Variants in GLB1L3 observed in about 807,000 individuals in gnomAD.
GLB1L3 encodes beta-galactosidase-1-like protein 3.
GLB1L3 carries 89 observed loss-of-function variants against 89.5 expected under a neutral mutation model. That is an observed-to-expected ratio of 0.99 (90% CI 0.84 to 1.19). The LOEUF (loss-of-function observed/expected upper bound fraction) is 1.19, where lower values mean the gene tolerates loss of function less well. Ranked by LOEUF, GLB1L3 falls within the 50% of genes most tolerant of loss-of-function variation. The probability of loss-of-function intolerance (pLI) is 0.00; values close to 1 mark genes in which losing one functional copy is unlikely to be tolerated. For missense variants in GLB1L3, 812 were observed against 813.3 expected, an observed-to-expected ratio of 1.00 and a Z score of 0.02; for synonymous variants, 314 against 312.3, an observed-to-expected ratio of 1.01 and a Z score of -0.06.
chr11:134,298,922 C>A (rs530639313), intron 9 of GLB1L3, among the ~76,000 whole-genome samples: 1 of 152,300 alleles, frequency 6.6e-6, no homozygotes, highest in East Asian at 1.9e-4. Context: ...TGCTCTCTCA[C>A]CTTCTGCAAT....
intron 7 of GLB1L3, among the ~76,000 whole-genome samples, chr11:134,290,579 CAAAAAAAAAGAAAAGAAAAAA>C (rs1941302097): frequency 1.7e-5 from 2 of 117,096 alleles, no homozygotes; most frequent in African/African-American, 6.6e-5. Context: ...CCCCCCCCGC[CAAAAAAAAAGAAAAGAAAAAA>C]AAAGAAAAAG....
intron 5 of GLB1L3, among the ~76,000 whole-genome samples, chr11:134,283,031 A>T (rs929507915): frequency 3.3e-5 from 5 of 151,838 alleles, no homozygotes; most frequent in African/African-American, 1.2e-4. Flanking sequence ...TGGAAATGTG[A>T]CACTGTGCCT....
chr11:134,288,764 C>G, intron 6 of GLB1L3, 34 bp from the exon 7 acceptor site: 3 of 1,542,780 alleles, frequency 1.9e-6, no homozygotes, highest in Non-Finnish European at 1.8e-6. Context: ...CCCAAATAGC[C>G]TCACTCTTTA....
At chr11:134,286,763 C>T (rs920078165) in intron 6 of GLB1L3, among the ~76,000 whole-genome samples, 17 of 150,334 alleles carry the variant, frequency 1.1e-4, no homozygotes, top group Non-Finnish European at 1.6e-4. Context: ...GGCGACAGAG[C>T]GAGACTCCGT....
chr11:134,316,422 A>G (rs1411309287), intron 18 of GLB1L3, among the ~76,000 whole-genome samples: 1 of 152,226 alleles, frequency 6.6e-6, no homozygotes, highest in Non-Finnish European at 1.5e-5. Context: ...ATGTCTATAT[A>G]GGAAGAGATG....
chr11:134,297,925 C>A (rs1459781983), intron 9 of GLB1L3, among the ~76,000 whole-genome samples: 3 of 147,872 alleles, frequency 2.0e-5, no homozygotes, highest in Non-Finnish European at 4.5e-5. Context: ...TAAAAATTAA[C>A]CTGACACGAC....
In GLB1L3 at chr11:134,314,030, T is replaced by A. The variant is rs1337147497; in HGVS notation, c.1667+2T>A. ...GATGAAAATGAGCTTCTTTGAGAGG[T>A]ATGCTCCAGCTGGCCCCCAGTGCAC... On this transcript the variant is annotated splice_donor_variant, in intron 17 of 19. Coordinates refer to ENST00000431683, the MANE Select transcript of GLB1L3 (RefSeq NM_001080407.3). LOFTEE classifies it high-confidence loss of function. 2 of 1,599,320 alleles carry A rather than the reference T, an allele frequency of 1.3e-6. No individual in the cohort carries two copies. Among genetic ancestry groups the A allele is most frequent in the Admixed American group, 3.4e-5 (2 of 59,686 alleles).
intron 8 of GLB1L3, chr11:134,292,626 T>G (rs1361317176): frequency 1.9e-5 from 4 of 212,538 alleles, no homozygotes; most frequent in East Asian, 1.2e-4. Context: ...GTTCCATTCC[T>G]GGGATCCTAC....
rs1162065552 is a variant in GLB1L3, at chr11:134,285,908, G to GTT, written c.636+2079_636+2080dup. 5.5e-3 allele frequency among the ~76,000 whole-genome samples: 710 copies of GTT among 130,070 alleles called. 7 individuals are homozygous for GTT. The highest frequency in any genetic ancestry group is 0.028 in the East Asian group (124 of 4,486). The allele number at this position is 130,070 out of a possible 152,430, so 85.3% of individuals were successfully genotyped here. On this transcript the variant is annotated intron_variant, in intron 6 of 19. Transcript: ENST00000431683. ...TTTGGAATCATGAATTGTGAGTTCT[G>GTT]TTTTTTTTTTTTTTTTTGGAGACGG...
rs549833430 is a variant in GLB1L3 at position 134,316,121 on chromosome 11, C to T, written c.1779+1680C>T. Among the ~76,000 whole-genome samples the T allele has an allele frequency of 1.4e-4, 21 of 152,126 alleles. 2 individuals carry two copies. The South Asian group carries it at 4.4e-3, about 32-fold the overall frequency. The stretch of plus-strand genomic sequence containing the variant: ...TATAAACATTGGGCAATTACTTCTC[C>T]ATTTTCCCCTTCTCCCACCGCCTGG... On this transcript the variant is annotated intron_variant, in intron 18 of 19. Transcript: ENST00000431683.
chr11:134,314,482 A>G lies in GLB1L3; in HGVS notation c.1779+41A>G, dbSNP rs1399121427. ...TGCTGCCCTGGTGTTCCAAACACCA[A>G]TTTTATTTTTAAAGAGTCCTGAAGC... On this transcript the variant is annotated intron_variant, in intron 18 of 19. Coordinates refer to ENST00000431683, the MANE Select transcript of GLB1L3 (RefSeq NM_001080407.3). 1.3e-5 allele frequency: 17 copies of G among 1,275,470 alleles called. No homozygotes were observed. The Admixed American group carries it at 2.6e-4, about 19-fold the overall frequency. 79.0% of individuals were successfully genotyped at this position (1,275,470 alleles called of 1,614,324 possible). A position where few individuals can be genotyped will look rare whatever the true frequency, so the allele number is the denominator to read the frequency against.
chr11:134,278,365 G>A (rs140311298), intron 3 of GLB1L3, among the ~76,000 whole-genome samples: 2,021 of 152,120 alleles, frequency 0.013, 57 homozygotes, highest in African/African-American at 0.045. Context: ...GCTCACGGCA[G>A]CTTCTACTTC....
At chr11:134,319,986 C>T (rs1943143788), downstream of GLB1L3, among the ~76,000 whole-genome samples, 1 of 152,100 alleles carries the variant, frequency 6.6e-6, no homozygotes, top group African/African-American at 2.4e-5. Context: ...AAGGCTACTA[C>T]TGATAGTGGG....
Position 134,312,508 on chromosome 11 carries a change from CTGTG to C in GLB1L3, c.1428+22_1428+25del, listed in dbSNP as rs748820436. On this transcript the variant is annotated intron_variant, in intron 14 of 19. Transcript: ENST00000431683. ...GGCACAGGTAGGGCCAGCAGGCTGTCTGTGTGGGAAGCAAAGTGCATCACCTCCC... is the reference window on the plus strand; with the variant it reads ...GGCACAGGTAGGGCCAGCAGGCTGTCTGGGAAGCAAAGTGCATCACCTCCC... 2.3e-5 allele frequency: 37 copies of C among 1,608,124 alleles called. No homozygotes were observed. The highest frequency in any genetic ancestry group is 2.8e-5 in the Non-Finnish European group (33 of 1,179,498).
At chr11:134,322,831 G>A (rs1484755294), downstream of GLB1L3, among the ~76,000 whole-genome samples, 2 of 152,090 alleles carry the variant, frequency 1.3e-5, no homozygotes, top group African/African-American at 4.8e-5. Flanking sequence ...GATTATTTGA[G>A]TTGTTTCCAC....
At chr11:134,291,993 TAAA>T in intron 7 of GLB1L3, 136 bp from the exon 8 acceptor site, 1 of 649,910 alleles carries the variant, frequency 1.5e-6, no homozygotes, top group Non-Finnish European at 2.7e-6. Context: ...AATTTAAAAT[TAAA>T]AAAGTAAAAA....
At chr11:134,290,777 G>A (rs1028479371) in intron 7 of GLB1L3, among the ~76,000 whole-genome samples, 41 of 151,828 alleles carry the variant, frequency 2.7e-4, no homozygotes, top group African/African-American at 8.5e-4. Context: ...GACAGTGTTC[G>A]GCAGCACCTG....
At chr11:134,275,933 C>G (rs1940353181), upstream of GLB1L3, 1 of 152,736 alleles carries the variant, frequency 6.5e-6, no homozygotes, top group Admixed American at 6.5e-5. Context: ...CTCATCCAGC[C>G]TCCACCCTGC....
At chr11:134,309,954 A>G in intron 11 of GLB1L3, 191 bp downstream of exon 11, 1 of 638,522 alleles carries the variant, frequency 1.6e-6, no homozygotes, top group Non-Finnish European at 2.7e-6. Context: ...ATTGCAGTAG[A>G]CAGGGCTTTC....
Sources: gnomAD v4.1 joint callset for allele counts (sites outside exome capture counted in the v4.1 genomes callset) on GRCh38, gnomAD v4.1.1 for gene constraint, MANE v1.5 for transcripts, NCBI Gene and HGNC (gene_info 2026-07-23, HGNC 2026-07-21) for gene names.